Variants in HEMGN observed in about 807,000 individuals in gnomAD.
HEMGN encodes hemogen.
In HEMGN, 32 loss-of-function variants were observed where a neutral mutation model predicts 45.7. That is an observed-to-expected ratio of 0.70 (90% confidence interval 0.53 to 0.94). The LOEUF (loss-of-function observed/expected upper bound fraction) is 0.94. HEMGN is among the 40% of genes least tolerant of loss of function. HEMGN has a pLI of 0.00. For synonymous variants in HEMGN, 183 were observed against 178.6 expected (o/e 1.02, Z -0.20); for missense variants, 530 against 564.2 (o/e 0.94, Z 0.61).
chr9:97,939,904 G>A (rs1359645551), upstream of HEMGN, among the ~76,000 whole-genome samples: 5 of 152,148 alleles, frequency 3.3e-5, no homozygotes, highest in South Asian at 4.1e-4. Flanking sequence ...AATCCTGCAC[G>A]GAACAGCAGG....
Position 97,930,140 on chromosome 9 carries a change from G to C in HEMGN, c.1255C>G (p.Pro419Ala), listed in dbSNP as rs1433015009. 1.9e-6 allele frequency: 3 copies of C among 1,614,126 alleles called. No homozygotes were observed. In the East Asian group the frequency reaches 6.7e-5, roughly 36 times the overall value. The change falls in exon 3 of 4, where the codon CCT (proline) becomes GCT (alanine). Residue 419 changes from proline to alanine, a missense_variant. By Grantham distance (27) the Pro-to-Ala change is conservative. Transcript: ENST00000616898. ...STETYKNKDV[P>A]KECFPEPHQE... ...TGTGGTTCTGGAAAGCATTCTTTAG[G>C]CACATCCTTATTTTTATATGTCTCA... is the stretch of plus-strand genomic sequence containing the variant.
intron 3 of HEMGN, 32 bp from the exon 4 acceptor site, chr9:97,927,510 C>G (rs756396398): frequency 7.0e-7 from 1 of 1,419,932 alleles, no homozygotes; most frequent in Admixed American, 1.7e-5. Context: ...AAAATAGATT[C>G]AATAAATTGT....
At chr9:97,928,886 G>A (rs1475695) in intron 3 of HEMGN, among the ~76,000 whole-genome samples, 45,815 of 151,890 alleles carry the variant, frequency 0.3, 7,685 homozygotes, top group Non-Finnish European at 0.37. Context: ...CAAGTTACAG[G>A]ATAGGATGGG....
At chr9:97,941,560 C>T (rs1275049293), upstream of HEMGN, among the ~76,000 whole-genome samples, 2 of 152,138 alleles carry the variant, frequency 1.3e-5, no homozygotes, top group Non-Finnish European at 2.9e-5. Context: ...GTGGTGAAGC[C>T]ATGGTCAGAT....
intron 3 of HEMGN, among the ~76,000 whole-genome samples, chr9:97,928,946 A>G (rs1587850955): frequency 6.6e-6 from 1 of 151,924 alleles, no homozygotes; most frequent in Non-Finnish European, 1.5e-5. Flanking sequence ...GGAACTGAAG[A>G]TAGAAGATGG....
intron 1 of HEMGN, among the ~76,000 whole-genome samples, chr9:97,937,038 G>A (rs1030457501): frequency 1.3e-5 from 2 of 151,982 alleles, no homozygotes; most frequent in Non-Finnish European, 2.9e-5. Context: ...ATCCACACTG[G>A]GACCTCTAAA....
upstream of HEMGN, among the ~76,000 whole-genome samples, chr9:97,938,991 A>G (rs755889450): frequency 3.9e-5 from 6 of 152,332 alleles, no homozygotes; most frequent in Non-Finnish European, 8.8e-5. Context: ...GAACCATCCT[A>G]TCTCCAAGCA....
chr9:97,931,488 G>T (rs938959173), intron 2 of HEMGN, among the ~76,000 whole-genome samples: 1 of 152,214 alleles, frequency 6.6e-6, no homozygotes, highest in Admixed American at 6.5e-5. Context: ...TAGTGCATGC[G>T]CGTATGCGTG....
intron 3 of HEMGN, among the ~76,000 whole-genome samples, chr9:97,929,106 C>A (rs1309198933): frequency 1.3e-5 from 2 of 152,178 alleles, no homozygotes; most frequent in African/African-American, 4.8e-5. Context: ...AATTAATTGA[C>A]CATATCGACC....
chr9:97,930,109 T>A lies in HEMGN; in HGVS notation c.1286A>T (p.Glu429Val), dbSNP rs1826912932. 2.5e-6 allele frequency: 4 copies of A among 1,614,192 alleles called. No individual in the cohort carries two copies. In the East Asian group the frequency reaches 8.9e-5, roughly 36 times the overall value. Residue 429 changes from glutamate to valine, a missense_variant, in exon 3 of 4, where the codon GAA (glutamate) becomes GTA (valine). Coordinates refer to ENST00000616898, the MANE Select transcript of HEMGN (RefSeq NM_197978.3). ...ATCCTGGCCTTGGGGCCCACCTGTT[T>A]CTTGGTGTGGTTCTGGAAAGCATTC... ...PKECFPEPHQ[E>V]TGGPQGQDPK...
chr9:97,934,853 G>T (rs1827028445), intron 2 of HEMGN, among the ~76,000 whole-genome samples: 1 of 152,178 alleles, frequency 6.6e-6, no homozygotes, highest in Non-Finnish European at 1.5e-5. Context: ...TGCCTCAGGG[G>T]ATAGTAAATG....
rs561322357 is a variant in HEMGN at position 97,928,765 on chromosome 9, T to C, written c.1360+1270A>G. On this transcript the variant is annotated intron_variant, in intron 3 of 3. Transcript: ENST00000616898. ...TAGTAAAACTTGGCAGTAACCTAAG[T>C]GTTCATCCTTATAGAGACTGGTTGA... Among the ~76,000 whole-genome samples, 252 of 152,332 alleles carry C rather than the reference T, an allele frequency of 1.7e-3. 1 individual carries two copies. The highest frequency in any genetic ancestry group is 5.9e-3 in the African/African-American group (246 of 41,558).
At chr9:97,939,423 A>T (rs900755300), upstream of HEMGN, among the ~76,000 whole-genome samples, 2 of 152,212 alleles carry the variant, frequency 1.3e-5, no homozygotes, top group Non-Finnish European at 2.9e-5. Context: ...TCTGAAGAGG[A>T]TTCTTTATAA....
intron 2 of HEMGN, among the ~76,000 whole-genome samples, chr9:97,934,122 G>A (rs1827008801): frequency 6.6e-6 from 1 of 152,138 alleles, no homozygotes; most frequent in African/African-American, 2.4e-5. Flanking sequence ...CAAGGTGGGC[G>A]AATCACTTGA....
rs1023643888 is a variant in HEMGN at position 97,936,876 on chromosome 9, T to A, written c.80-612A>T. Among the ~76,000 whole-genome samples the A allele has an allele frequency of 2.0e-5, 3 of 152,222 alleles. No individual in the cohort carries two copies. In the East Asian group the frequency reaches 5.8e-4, roughly 29 times the overall value. ...AATAAGCATATTCATTGCATATAGC[T>A]TTTCTTTGGTATTTTTTCCTTAGAA... On this transcript the variant is annotated intron_variant, in intron 1 of 3. Coordinates refer to ENST00000616898, the MANE Select transcript of HEMGN (RefSeq NM_197978.3).
chr9:97,944,079 T>C (rs1386274006), intron 1 of HEMGN, among the ~76,000 whole-genome samples: 3 of 152,166 alleles, frequency 2.0e-5, no homozygotes, highest in Non-Finnish European at 2.9e-5. Context: ...CCTGATCCTT[T>C]TGAGTTAATA....
intron 2 of HEMGN, among the ~76,000 whole-genome samples, chr9:97,935,084 A>G (rs1827033863): frequency 6.6e-6 from 1 of 152,204 alleles, no homozygotes; most frequent in Non-Finnish European, 1.5e-5. Flanking sequence ...TTCCAGCTGA[A>G]AGCTTTAATT....
At chr9:97,939,270 A>T (rs1827117530), upstream of HEMGN, among the ~76,000 whole-genome samples, 1 of 152,216 alleles carries the variant, frequency 6.6e-6, no homozygotes, top group African/African-American at 2.4e-5. Context: ...AGTTACTGGG[A>T]TGATTAAGTC....
upstream of HEMGN, among the ~76,000 whole-genome samples, chr9:97,940,513 A>G (rs1192666266): frequency 1.3e-5 from 2 of 152,070 alleles, no homozygotes; most frequent in African/African-American, 4.8e-5. Context: ...TGGCATGATA[A>G]ACAGGCCAGA....
Sources: gnomAD v4.1 joint callset for allele counts (sites outside exome capture counted in the v4.1 genomes callset) on GRCh38, gnomAD v4.1.1 for gene constraint, MANE v1.5 for transcripts, NCBI Gene and HGNC (gene_info 2026-07-23, HGNC 2026-07-21) for gene names.